The following STX10 variants were observed in gnomAD, a reference collection of about 807,000 sequenced individuals.
The protein encoded by STX10 is syntaxin-10.
In STX10, 35 loss-of-function variants were observed where a neutral mutation model predicts 34.1. That is an observed-to-expected ratio of 1.03 (90% confidence interval 0.78 to 1.36). The LOEUF is 1.36. Among genes scored for constraint, STX10 ranks in the 40% most tolerant of loss-of-function variants. The pLI is 0.00. For missense variants in STX10, 361 were observed against 335.5 expected (o/e 1.08, Z -0.59); for synonymous variants, 155 against 132.9 (o/e 1.17, Z -1.15).
rs771042244 is a variant in STX10, at chr19:13,144,655, C to T, written c.595G>A (p.Ala199Thr). 1.3e-5 allele frequency: 21 copies of T among 1,613,934 alleles called. No homozygotes were observed. Among genetic ancestry groups the T allele is most frequent in the East Asian group, 2.2e-5 (1 of 44,880 alleles). ...DEQGIMLDAF[A>T]QEMDHTQSRM... ...GACTGGGTGTGGTCCATCTCTTGGG[C>T]GAAGGCATCCAGCATGCTGCCAAGA... is the stretch of plus-strand genomic sequence containing the variant. Residue 199 changes from alanine (A) to threonine (T), a missense_variant, in exon 7 of 8, where the codon GCC becomes ACC. Physicochemically the swap from Ala to Thr is moderately conservative, Grantham distance 58 (BLOSUM62 0). Coordinates refer to ENST00000587230, the MANE Select transcript of STX10 (RefSeq NM_003765.3).
In STX10 at chr19:13,144,890, G is replaced by A. The variant is rs779336687; in HGVS notation, c.472-20C>T. The A allele has an allele frequency of 5.0e-6, 8 of 1,603,532 alleles. No homozygotes were observed. The South Asian group carries it at 7.8e-5, about 16-fold the overall frequency. ...GATCAGCTGCAGAGCGAAGGGGTGG[G>A]AGATGCTGTTGAAAACGACCCCAGA... On this transcript the variant is annotated intron_variant, in intron 5 of 7. Coordinates refer to ENST00000587230, the MANE Select transcript of STX10 (RefSeq NM_003765.3).
Position 13,144,188 on chromosome 19 carries a change from C to A in STX10, c.*222G>T, listed in dbSNP as rs561918381. On this transcript the variant is annotated 3_prime_UTR_variant, in exon 8 of 8. Transcript: ENST00000587230. ...TCAGGTGTCCCTGCCTCCACCACCCCCTAAGTGCACTTGAGACAGGACCAG... is the reference window on the plus strand; with the variant it reads ...TCAGGTGTCCCTGCCTCCACCACCCACTAAGTGCACTTGAGACAGGACCAG... The A allele has an allele frequency of 3.1e-5, 19 of 604,446 alleles. No individual in the cohort carries two copies. The highest frequency in any genetic ancestry group is 3.0e-4 in the South Asian group (13 of 42,974). The allele number at this position is 604,446 out of a possible 1,614,324, so 37.4% of individuals were successfully genotyped here.
intron 4 of STX10, among the ~76,000 whole-genome samples, 188 bp downstream of exon 4, chr19:13,148,841 C>T (rs1003773073): frequency 2.0e-5 from 3 of 151,958 alleles, no homozygotes; most frequent in East Asian, 1.9e-4. Flanking sequence ...GAGGAACCCA[C>T]GGACATATAC....
chr19:13,150,211 G>T lies in STX10; in HGVS notation c.-38C>A, dbSNP rs1180413012. 3 of 822,064 alleles carry T rather than the reference G, an allele frequency of 3.6e-6. No homozygotes were observed. The South Asian group carries it at 4.3e-5, about 12-fold the overall frequency. The allele number at this position is 822,064 out of a possible 1,614,324, so 50.9% of individuals were successfully genotyped here. ...CCCCCCAGGCCGAACCCCCCTCCCG[G>T]CCTGGGTTCGCGGGCTGGTTCCCTC... On this transcript the variant is annotated 5_prime_UTR_variant, in exon 1 of 8. Coordinates refer to ENST00000587230, the MANE Select transcript of STX10 (RefSeq NM_003765.3). This position sits in a 1 kb window ranked among gnomAD's most constrained non-coding sequence, Gnocchi z 4.0.
At chr19:13,147,533 A>C (rs1319447950) in intron 4 of STX10, among the ~76,000 whole-genome samples, 1 of 151,788 alleles carries the variant, frequency 6.6e-6, no homozygotes, top group Non-Finnish European at 1.5e-5. Context: ...TGGGAGGCTG[A>C]AGCTAGTGGA....
chr19:13,146,189 T>C (rs890573122), intron 4 of STX10, among the ~76,000 whole-genome samples: 7 of 137,888 alleles, frequency 5.1e-5, no homozygotes, highest in Non-Finnish European at 1.1e-4. Flanking sequence ...CAGAGTGACC[T>C]TGCCTCAAAA....
In STX10 at chr19:13,149,029, C is replaced by T. The variant is rs1345773297; in HGVS notation, c.363G>A (p.Glu121=). The T allele has an allele frequency of 6.2e-7, 1 of 1,601,412 alleles. No homozygotes were observed. Among genetic ancestry groups the T allele is most frequent in the African/African-American group, 1.3e-5 (1 of 74,758 alleles). ...GGCAGGGTGGGTCAGGAAGGCTTAC[C>T]TCTCTGTTATTCCTCTCCAAAAATG... ...AVAFLERNNR[E]ILAGKPAAQK... Residue 121 remains glutamate, a splice_region_variant and synonymous_variant, in exon 4 of 8, where the codon GAG becomes GAA. Coordinates refer to ENST00000587230, the MANE Select transcript of STX10 (RefSeq NM_003765.3).
chr19:13,144,431 G>A lies in STX10; in HGVS notation c.729C>T (p.Leu243=), dbSNP rs761879281. 6.2e-6 allele frequency: 10 copies of A among 1,611,666 alleles called. No individual in the cohort carries two copies. The highest frequency in any genetic ancestry group is 2.7e-5 in the African/African-American group (2 of 74,910). The change falls in exon 8 of 8, where the codon CTC becomes CTT. Residue 243 remains leucine, a synonymous_variant. Coordinates refer to ENST00000587230, the MANE Select transcript of STX10 (RefSeq NM_003765.3). ...AVLVGVLLLV[L]ILLFSL is the part of the protein sequence containing the mutation. ...GGGGTCAGAGAGAGAATAGTAAGAT[G>A]AGAACGAGGAGAAGCACCCCCACTA...
rs772865577 is a variant in STX10 at position 13,149,768 on chromosome 19, G to C, written c.165C>G (p.Arg55=). 1.2e-6 allele frequency: 2 copies of C among 1,614,032 alleles called. No individual in the cohort carries two copies. Among genetic ancestry groups the C allele is most frequent in the African/African-American group, 2.7e-5 (2 of 74,934 alleles). ...GGTCCTCGAGGTCCCACTCGATGCTGCGCAGGCCATTCCGCAGCTCATTGG... is the reference window on the plus strand; with the variant it reads ...GGTCCTCGAGGTCCCACTCGATGCTCCGCAGGCCATTCCGCAGCTCATTGG... ...WTTNELRNGL[R]SIEWDLEDLE... The change falls in exon 2 of 8, where the codon CGC becomes CGG. Residue 55 remains arginine, a synonymous_variant. Transcript: ENST00000587230.
rs1468973496 is a variant in STX10, at chr19:13,146,018, C to T, written c.364-623G>A. 3.8e-5 allele frequency among the ~76,000 whole-genome samples: 5 copies of T among 131,870 alleles called. No individual in the cohort carries two copies. The Admixed American group carries it at 3.9e-4, about 10-fold the overall frequency. 86.5% of individuals were successfully genotyped at this position (131,870 alleles called of 152,430 possible). A position where few individuals can be genotyped will look rare whatever the true frequency, so the allele number is the denominator to read the frequency against. On this transcript the variant is annotated intron_variant, in intron 4 of 7. Transcript: ENST00000587230. ...TCCAGCCTGGGTGACAGGTTAAGAC[C>T]TTCTCTCAAAAAAAAAAAAAAAAAA...
chr19:13,148,229 C>T lies in STX10; in HGVS notation c.363+800G>A, dbSNP rs966776113. 5.9e-5 allele frequency among the ~76,000 whole-genome samples: 9 copies of T among 151,826 alleles called. 1 individual carries two copies. Among genetic ancestry groups the T allele is most frequent in the African/African-American group, 1.9e-4 (8 of 41,326 alleles). On this transcript the variant is annotated intron_variant, in intron 4 of 7. Transcript: ENST00000587230. The stretch of plus-strand genomic sequence containing the variant: ...TTAAAAATACAAAAATTAGGCCAGG[C>T]GCAGTGGCTCATGCCTGTAATTCCA...
In STX10 at chr19:13,148,032, C is replaced by T. The variant is rs578150483; in HGVS notation, c.363+997G>A. ...TGAGCCGAGACTGCGCCACTGCACTCCAGCCTGGCAACAGAGTGAGACTGC... is the reference window on the plus strand; with the variant it reads ...TGAGCCGAGACTGCGCCACTGCACTTCAGCCTGGCAACAGAGTGAGACTGC... On this transcript the variant is annotated intron_variant, in intron 4 of 7. Transcript: ENST00000587230. Among the ~76,000 whole-genome samples, 243 of 141,464 alleles carry T rather than the reference C, an allele frequency of 1.7e-3. 2 individuals carry two copies. Among genetic ancestry groups the T allele is most frequent in the African/African-American group, 6.5e-3 (240 of 36,964 alleles). 92.8% of individuals were successfully genotyped at this position (141,464 alleles called of 152,430 possible).
In STX10 at chr19:13,144,193, G is replaced by C. The variant is rs528626102; in HGVS notation, c.*217C>G. On this transcript the variant is annotated 3_prime_UTR_variant, in exon 8 of 8. Transcript: ENST00000587230. ...TGTCCCTGCCTCCACCACCCCCTAA[G>C]TGCACTTGAGACAGGACCAGTGGTG... 147 of 613,008 alleles carry C rather than the reference G, an allele frequency of 2.4e-4. No homozygotes were observed. Among genetic ancestry groups the C allele is most frequent in the Middle Eastern group, 1.3e-3 (3 of 2,256 alleles). The allele number at this position is 613,008 out of a possible 1,614,324, so 38.0% of individuals were successfully genotyped here.
At chr19:13,148,809 T>C (rs1488951445) in intron 4 of STX10, among the ~76,000 whole-genome samples, 1 of 151,606 alleles carries the variant, frequency 6.6e-6, no homozygotes, top group Non-Finnish European at 1.5e-5. Context: ...GAAACCAGTA[T>C]AGACCCAGAG....
At chr19:13,148,253 C>T (rs977949971) in intron 4 of STX10, among the ~76,000 whole-genome samples, 4 of 151,926 alleles carry the variant, frequency 2.6e-5, no homozygotes, top group African/African-American at 9.7e-5. Context: ...CCTGTAATTC[C>T]AGCACTTTGG....
At chr19:13,145,671 C>G (rs1161707885) in intron 4 of STX10, among the ~76,000 whole-genome samples, 1 of 152,066 alleles carries the variant, frequency 6.6e-6, no homozygotes, top group African/African-American at 2.4e-5. Context: ...GGGCAGATAA[C>G]TTGAGGTCAG....
rs1163758652 is a variant in STX10, at chr19:13,144,938, A to G, written c.472-68T>C. 3 of 1,426,588 alleles carry G rather than the reference A, an allele frequency of 2.1e-6. No individual in the cohort carries two copies. In the Admixed American group the frequency reaches 5.9e-5, roughly 28 times the overall value. The allele number at this position is 1,426,588 out of a possible 1,614,324, so 88.4% of individuals were successfully genotyped here. A position where few individuals can be genotyped will look rare whatever the true frequency, so the allele number is the denominator to read the frequency against. On this transcript the variant is annotated intron_variant, in intron 5 of 7. Coordinates refer to ENST00000587230, the MANE Select transcript of STX10 (RefSeq NM_003765.3). Reference sequence around the variant, plus strand: ...AGAAGGCCAGGCGCTATGGCTTATGACTGTAATCCCAGCACTCTGGGAGGC... The same window carrying G: ...AGAAGGCCAGGCGCTATGGCTTATGGCTGTAATCCCAGCACTCTGGGAGGC...
chr19:13,146,204 A>T (rs969067036), intron 4 of STX10, among the ~76,000 whole-genome samples: 43 of 151,888 alleles, frequency 2.8e-4, no homozygotes, highest in Admixed American at 2.0e-4. Context: ...TCAAAAAAAA[A>T]AAAAATAAAA....
At chr19:13,149,992 G>A (rs2020022846) in intron 1 of STX10, 95 bp from the exon 2 acceptor site, 1 of 1,473,668 alleles carries the variant, frequency 6.8e-7, no homozygotes, top group South Asian at 1.2e-5. Context: ...GGGGGACTCC[G>A]GAGACCCCTA....
Sources: gnomAD v4.1 joint callset for allele counts (sites outside exome capture counted in the v4.1 genomes callset) on GRCh38, gnomAD v4.1.1 for gene constraint, Gnocchi (gnomAD v3.1) non-coding constraint, MANE v1.5 for transcripts, NCBI Gene and HGNC (gene_info 2026-07-23, HGNC 2026-07-21) for gene names.